The following DLG5 variants were observed in gnomAD, a reference collection of about 807,000 sequenced individuals.
The protein encoded by DLG5 is disks large homolog 5.
Under a neutral mutation model 189.8 loss-of-function variants are expected in DLG5, and 48 were observed. That is an observed-to-expected ratio of 0.25 (90% confidence interval 0.20 to 0.32). The LOEUF is 0.32. DLG5 is among the 10% of genes least tolerant of loss of function. The pLI is 1.00. For synonymous variants in DLG5, 1,016 were observed against 1,054.1 expected (o/e 0.96, Z 0.70); for missense variants, 2,160 against 2,544.7 (o/e 0.85, Z 3.25).
At chr10:77,904,986 G>T (rs1000169637) in intron 1 of DLG5, among the ~76,000 whole-genome samples, 2 of 151,756 alleles carry the variant, frequency 1.3e-5, no homozygotes, top group African/African-American at 2.4e-5. Context: ...AAAATTAGCC[G>T]GGTGTGGTGG....
At chr10:77,812,087 G>T (rs778490113) in intron 21 of DLG5, 30 bp from the exon 22 acceptor site, 3 of 1,606,080 alleles carry the variant, frequency 1.9e-6, no homozygotes, top group Non-Finnish European at 1.7e-6. Context: ...GGCTCAGTGG[G>T]GGGGTCGGGG....
At position 77,926,311 on chromosome 10, in the gene DLG5, G is replaced by A. The variant is rs1846690883; in HGVS notation, c.210C>T (p.Asp70=). The change falls in exon 1 of 32, where the codon GAC becomes GAT. Residue 70 remains aspartate (D), a synonymous_variant. Transcript: ENST00000372391. The surrounding 1 kb of genome is among the most constrained non-coding windows in gnomAD (Gnocchi z 5.2). ...LLAKERDHFQ[D]LRAALEKTQP... ...GCGTCTTCTCCAGCGCCGCCCGCAG[G>A]TCCTGGAAGTGGTCCCGCTCCTTGG... The A allele has an allele frequency of 7.5e-6, 12 of 1,600,510 alleles. No homozygotes were observed. Among genetic ancestry groups the A allele is most frequent in the South Asian group, 2.3e-5 (2 of 88,114 alleles).
At chr10:77,814,501 A>C (rs1385724224) in intron 20 of DLG5, among the ~76,000 whole-genome samples, 11 of 113,676 alleles carry the variant, frequency 9.7e-5, no homozygotes, top group South Asian at 8.3e-4. Context: ...ATATATATAT[A>C]TATATCCAAA....
chr10:77,906,508 G>A (rs1357395344), intron 1 of DLG5, among the ~76,000 whole-genome samples: 1 of 152,038 alleles, frequency 6.6e-6, no homozygotes, highest in Non-Finnish European at 1.5e-5. Flanking sequence ...GAACACAAAT[G>A]TCATGCACTG....
At chr10:77,869,533 C>T in intron 1 of DLG5, 1 of 338,106 alleles carries the variant, frequency 3.0e-6, no homozygotes, top group Non-Finnish European at 5.4e-6. Context: ...TGGGGGTTTC[C>T]TCCACATCTC....
chr10:77,835,793 G>T lies in DLG5; in HGVS notation c.1567C>A (p.Arg523=). The T allele has an allele frequency of 3.1e-6, 5 of 1,613,870 alleles. No individual in the cohort carries two copies. Among genetic ancestry groups the T allele is most frequent in the Non-Finnish European group, 4.2e-6 (5 of 1,179,980 alleles). Residue 523 remains arginine (R), a synonymous_variant, in exon 8 of 32, where the codon CGG becomes AGG. Coordinates refer to ENST00000372391, the MANE Select transcript of DLG5 (RefSeq NM_004747.4). ...LQEADVAKCR[R]DWAFQERDKI... Reference sequence around the variant, plus strand: ...TCTCGCTCCTGGAAGGCCCAGTCCCGCCGGCACTTGGCCACATCCGCCTCC... The same window carrying T: ...TCTCGCTCCTGGAAGGCCCAGTCCCTCCGGCACTTGGCCACATCCGCCTCC...
the DLG5 span, among the ~76,000 whole-genome samples, chr10:77,935,053 T>C: frequency 6.6e-6 from 1 of 152,050 alleles, no homozygotes; most frequent in Non-Finnish European, 1.5e-5. Context: ...GAGATAGGGC[T>C]TCACTATGTT....
intron 1 of DLG5, among the ~76,000 whole-genome samples, chr10:77,902,365 T>TCAAAGTCCAC (rs371495853): frequency 2.6e-5 from 4 of 152,222 alleles, no homozygotes; most frequent in African/African-American, 9.6e-5. Context: ...CAACAGCCGT[T>TCAAAGTCCAC]CAAAGTCCAC....
intron 21 of DLG5, 79 bp from the exon 22 acceptor site, chr10:77,812,136 T>C (rs1418784558): frequency 6.3e-7 from 1 of 1,596,636 alleles, no homozygotes; most frequent in Non-Finnish European, 8.5e-7. Context: ...TTGGGAGCAC[T>C]GCTGTTCCCT....
chr10:77,883,880 G>A (rs971918103), intron 1 of DLG5, among the ~76,000 whole-genome samples: 14 of 151,918 alleles, frequency 9.2e-5, no homozygotes, highest in African/African-American at 2.4e-4. Context: ...TGTATTTTTA[G>A]GAGAGACAGT....
At position 77,844,037 on chromosome 10, in the gene DLG5, A is replaced by G. The variant is rs569412147; in HGVS notation, c.865-331T>C. On this transcript the variant is annotated intron_variant, in intron 5 of 31. Transcript: ENST00000372391. ...GCGTCTAGGAACCCGAACAGTAAAC[A>G]GTTCTCTAGGCTGATGTAAAACTTT... Among the ~76,000 whole-genome samples, 12 of 152,298 alleles carry G rather than the reference A, an allele frequency of 7.9e-5. No homozygotes were observed. The South Asian group carries it at 1.9e-3, about 24-fold the overall frequency.
At chr10:77,834,912 CA>C (rs1391845800) in intron 8 of DLG5, among the ~76,000 whole-genome samples, 2 of 152,148 alleles carry the variant, frequency 1.3e-5, no homozygotes, top group Non-Finnish European at 2.9e-5. Flanking sequence ...CCCCTAGAGA[CA>C]TTGGTCTCTC....
intron 1 of DLG5, among the ~76,000 whole-genome samples, chr10:77,875,198 A>G (rs1443931990): frequency 6.6e-6 from 1 of 152,206 alleles, no homozygotes; most frequent in East Asian, 1.9e-4. Context: ...TCCTACACAC[A>G]ATACTGCTGC....
At chr10:77,842,866 G>A (rs1478509775) in intron 6 of DLG5, among the ~76,000 whole-genome samples, 1 of 152,226 alleles carries the variant, frequency 6.6e-6, no homozygotes, top group Non-Finnish European at 1.5e-5. Context: ...TCCTGCAGCA[G>A]AGACATCTGT....
chr10:77,828,663 A>G (rs1363581777), intron 13 of DLG5, among the ~76,000 whole-genome samples: 1 of 152,152 alleles, frequency 6.6e-6, no homozygotes, highest in East Asian at 1.9e-4. Context: ...GGTGGTAGCA[A>G]TGCAATTGAT....
rs1445150703 is a variant in DLG5 at position 77,831,205 on chromosome 10, G to A, written c.1749-332C>T. 2.0e-5 allele frequency among the ~76,000 whole-genome samples: 3 copies of A among 152,122 alleles called. No homozygotes were observed. In the East Asian group the frequency reaches 5.8e-4, roughly 29 times the overall value. The stretch of plus-strand genomic sequence containing the variant: ...AGATCACCAGAAGTCAGGAGTTTGA[G>A]ACCAGCCTGACCGACATGGTGAAAC... On this transcript the variant is annotated intron_variant, in intron 9 of 31. Coordinates refer to ENST00000372391, the MANE Select transcript of DLG5 (RefSeq NM_004747.4).
rs1371585310 is a variant in DLG5, at chr10:77,792,298, G to C, written c.*142C>G. On this transcript the variant is annotated 3_prime_UTR_variant, in exon 32 of 32. Coordinates refer to ENST00000372391, the MANE Select transcript of DLG5 (RefSeq NM_004747.4). ...CAGCCGTGGCCCTCTGTCTACAAAG[G>C]AGGTGCTTCTGGGTCCTGGTTCCGG... The C allele has an allele frequency of 1.2e-6, 1 of 802,352 alleles. No individual in the cohort carries two copies. The highest frequency in any genetic ancestry group is 2.5e-5 in the East Asian group (1 of 40,340). The allele number at this position is 802,352 out of a possible 1,614,324, so 49.7% of individuals were successfully genotyped here.
intron 12 of DLG5, 52 bp from the exon 13 acceptor site, chr10:77,829,037 T>A: frequency 1.3e-6 from 2 of 1,563,568 alleles, no homozygotes; most frequent in Non-Finnish European, 1.8e-6. Context: ...TGCCCAGCCC[T>A]GGGTCACCCT....
intron 14 of DLG5, 82 bp from the exon 15 acceptor site, chr10:77,822,183 A>G: frequency 6.6e-7 from 1 of 1,506,862 alleles, no homozygotes; most frequent in Non-Finnish European, 8.9e-7. Flanking sequence ...CCCCAGAGGT[A>G]AAGCAATGGT....
Sources: allele counts gnomAD v4.1 joint callset (sites outside exome capture counted in the v4.1 genomes callset), GRCh38; gene constraint gnomAD v4.1.1; non-coding constraint Gnocchi (gnomAD v3.1); transcripts MANE v1.5; gene names NCBI Gene and HGNC (gene_info 2026-07-23, HGNC 2026-07-21).